The following MAGI1 variants were observed in gnomAD, a reference collection of about 807,000 sequenced individuals.
MAGI1 encodes membrane associated guanylate kinase, WW and PDZ domain containing 1.
A neutral mutation model predicts 139.9 loss-of-function variants in MAGI1; 58 were observed. The ratio of observed to expected loss-of-function variants is 0.41; its 90% CI spans 0.34 to 0.52. The LOEUF (loss-of-function observed/expected upper bound fraction) is 0.52, where lower values mean the gene tolerates loss of function less well. Among genes scored for constraint, MAGI1 ranks in the 20% least tolerant of loss-of-function variants. MAGI1 has a pLI of 0.12. For synonymous variants in MAGI1, 812 were observed against 737.9 expected, an observed-to-expected ratio of 1.10 and a Z score of -1.63; for missense variants, 1,874 against 1,901.6, an observed-to-expected ratio of 0.99 and a Z score of 0.27.
intron 13 of MAGI1, among the ~76,000 whole-genome samples, chr3:65,397,267 G>A (rs1944466438): frequency 1.3e-5 from 2 of 152,230 alleles, no homozygotes; most frequent in East Asian, 3.9e-4. Flanking sequence ...TCTAGGCCAG[G>A]GTCACTTAGT....
Position 65,573,897 on chromosome 3 carries a change from T to C in MAGI1, c.430+48075A>G, listed in dbSNP as rs541852259. Among the ~76,000 whole-genome samples the C allele has an allele frequency of 2.0e-5, 3 of 152,268 alleles. No homozygotes were observed. In the South Asian group the frequency reaches 6.2e-4, roughly 32 times the overall value. ...TAAGAACACAGTCACACCCATTCAC[T>C]TGTGTATTATCTACAGCTGCTTTCA... On this transcript the variant is annotated intron_variant, in intron 2 of 22. Coordinates refer to ENST00000402939, the MANE Select transcript of MAGI1 (RefSeq NM_001033057.2).
chr3:65,445,729 T>A (rs1948635860), intron 7 of MAGI1, among the ~76,000 whole-genome samples: 1 of 152,118 alleles, frequency 6.6e-6, no homozygotes, highest in African/African-American at 2.4e-5. Flanking sequence ...CAAACCAAAG[T>A]ACATAATGGA....
intron 1 of MAGI1, among the ~76,000 whole-genome samples, chr3:65,928,822 T>A (rs2062652036): frequency 1.3e-5 from 2 of 152,146 alleles, no homozygotes; most frequent in Non-Finnish European, 2.9e-5. Flanking sequence ...GGGTGCCCAT[T>A]ATTTCAGCCT....
intron 5 of MAGI1, among the ~76,000 whole-genome samples, chr3:65,459,613 T>G (rs1559572770): frequency 6.6e-6 from 1 of 152,344 alleles, no homozygotes; most frequent in South Asian, 2.1e-4. Context: ...CTTCTTTATC[T>G]TGAACTATAA....
chr3:65,991,662 G>C (rs1192347053), intron 1 of MAGI1, among the ~76,000 whole-genome samples: 2 of 152,142 alleles, frequency 1.3e-5, no homozygotes, highest in South Asian at 2.1e-4. Context: ...TATGAGTTTT[G>C]ATCTAGATAT....
chr3:65,681,715 T>C (rs1348974310), intron 1 of MAGI1, among the ~76,000 whole-genome samples: 1 of 152,246 alleles, frequency 6.6e-6, no homozygotes, highest in Non-Finnish European at 1.5e-5. Flanking sequence ...GTACTTTCCA[T>C]ATCTTCATCC....
Position 65,659,745 on chromosome 3 carries a change from A to G in MAGI1, c.314-37657T>C, listed in dbSNP as rs2086087769. 4.6e-5 allele frequency among the ~76,000 whole-genome samples: 7 copies of G among 152,224 alleles called. No individual in the cohort carries two copies. In the South Asian group the frequency reaches 1.5e-3, roughly 32 times the overall value. On this transcript the variant is annotated intron_variant, in intron 1 of 22. Coordinates refer to ENST00000402939, the MANE Select transcript of MAGI1 (RefSeq NM_001033057.2). ...CCTCATCCTTGAATTCCTTCTTGCA[A>G]TGGGGCCAAGAGCCTGGATATCAGC... is the stretch of plus-strand genomic sequence containing the variant.
At chr3:65,564,301 C>T (rs2080511215) in intron 2 of MAGI1, among the ~76,000 whole-genome samples, 1 of 151,420 alleles carries the variant, frequency 6.6e-6, no homozygotes, top group African/African-American at 2.4e-5. Context: ...AAGATTCTTT[C>T]CTTCCTTTTA....
At chr3:65,772,602 A>C (rs1239354237) in intron 1 of MAGI1, among the ~76,000 whole-genome samples, 2 of 152,224 alleles carry the variant, frequency 1.3e-5, no homozygotes, top group African/African-American at 4.8e-5. Flanking sequence ...CACATGGAGA[A>C]CACTTCGTGA....
At chr3:65,804,422 AT>A (rs1334493440) in intron 1 of MAGI1, among the ~76,000 whole-genome samples, 1 of 151,704 alleles carries the variant, frequency 6.6e-6, no homozygotes, top group African/African-American at 2.4e-5. Flanking sequence ...ATAAATATTG[AT>A]ATGAATTGAT....
intron 1 of MAGI1, among the ~76,000 whole-genome samples, chr3:65,646,366 G>A (rs1027889528): frequency 7.9e-5 from 12 of 151,936 alleles, no homozygotes; most frequent in Non-Finnish European, 2.9e-5. Context: ...CTAAATGTGT[G>A]TGCACTAAAC....
intron 1 of MAGI1, among the ~76,000 whole-genome samples, chr3:65,815,794 G>C (rs1196367171): frequency 1.3e-5 from 2 of 152,020 alleles, no homozygotes; most frequent in Non-Finnish European, 1.5e-5. Flanking sequence ...CTTGTTTCAA[G>C]GCAGGTACCA....
rs756790346 is a variant in MAGI1, at chr3:65,356,597, G to GC, written c.4169dup (p.Ser1391LeufsTer67). 2 of 1,595,430 alleles carry GC rather than the reference G, an allele frequency of 1.3e-6. No individual in the cohort carries two copies. Among genetic ancestry groups the GC allele is most frequent in the Non-Finnish European group, 1.7e-6 (2 of 1,171,524 alleles). ...TGGACTTGGCCCTGCGCTCGGGCGA[G>GC]CCCCCTCTCCTGCGCTCGGGGGACC... On this transcript the variant is annotated frameshift_variant, in exon 23 of 23. Coordinates refer to ENST00000402939, the MANE Select transcript of MAGI1 (RefSeq NM_001033057.2). LOFTEE classifies it low-confidence loss of function (END_TRUNC).
At chr3:65,841,923 G>C (rs746896423) in intron 1 of MAGI1, among the ~76,000 whole-genome samples, 1 of 151,848 alleles carries the variant, frequency 6.6e-6, no homozygotes, top group African/African-American at 2.4e-5. Flanking sequence ...GCGCAACTGG[G>C]GTTCATTTCA....
chr3:65,920,083 T>C (rs1052064599), intron 1 of MAGI1, among the ~76,000 whole-genome samples: 3 of 152,220 alleles, frequency 2.0e-5, no homozygotes, highest in African/African-American at 7.2e-5. Context: ...ACCACATTTC[T>C]TGGCAGCCAC....
At chr3:65,957,911 T>C (rs2064214783) in intron 1 of MAGI1, among the ~76,000 whole-genome samples, 1 of 151,948 alleles carries the variant, frequency 6.6e-6, no homozygotes, top group African/African-American at 2.4e-5. Flanking sequence ...TGAGATTACA[T>C]GCATGCAGCA....
intron 2 of MAGI1, among the ~76,000 whole-genome samples, chr3:65,621,121 G>A (rs139086067): frequency 2.6e-5 from 4 of 152,232 alleles, no homozygotes; most frequent in Non-Finnish European, 4.4e-5. Flanking sequence ...TCAAAAAATG[G>A]TATGTCTAGG....
At chr3:65,711,438 T>C (rs1297837040) in intron 1 of MAGI1, among the ~76,000 whole-genome samples, 1 of 151,990 alleles carries the variant, frequency 6.6e-6, no homozygotes, top group African/African-American at 2.4e-5. Flanking sequence ...AACTCCAAAA[T>C]TTGAGTTTAT....
Position 65,379,562 on chromosome 3 carries a change from A to G in MAGI1, c.2702-8T>C, listed in dbSNP as rs773748823. 7 of 1,602,612 alleles carry G rather than the reference A, an allele frequency of 4.4e-6. 1 individual carries two copies. In the South Asian group the frequency reaches 6.6e-5, roughly 15 times the overall value. On this transcript the variant is annotated splice_polypyrimidine_tract_variant and splice_region_variant and intron_variant, in intron 16 of 22. Coordinates refer to ENST00000402939, the MANE Select transcript of MAGI1 (RefSeq NM_001033057.2). ...CGTTCTCGGTTTTGGGCACTGTAGC[A>G]GAGAGATGCACGCGTACATCACCGT...
Sources: allele counts gnomAD v4.1 joint callset (sites outside exome capture counted in the v4.1 genomes callset), GRCh38; gene constraint gnomAD v4.1.1; transcripts MANE v1.5; gene names NCBI Gene and HGNC (gene_info 2026-07-23, HGNC 2026-07-21).